The following PCYOX1 variants were observed in gnomAD, a reference collection of about 807,000 sequenced individuals.
The protein encoded by PCYOX1 is prenylcysteine oxidase 1.
A neutral mutation model predicts 46.4 loss-of-function variants in PCYOX1; 46 were observed. The observed-to-expected ratio is 0.99, with a 90% confidence interval of 0.78 to 1.27. The LOEUF (loss-of-function observed/expected upper bound fraction) is 1.27, where lower values mean the gene tolerates loss of function less well. PCYOX1 is among the 50% of genes most tolerant of loss of function. The pLI is 0.00. For synonymous variants in PCYOX1, 220 were observed against 231.8 expected (o/e 0.95, Z 0.46); for missense variants, 658 against 628.3 (o/e 1.05, Z -0.51).
Position 70,275,083 on chromosome 2 carries a change from G to T in PCYOX1, c.619G>T (p.Gly207Cys). ...RTLLETLQKA[G>C]FSEKFLNEMI... ...ACTTCTTGAAACCTTGCAAAAGGCC[G>T]GCTTTTCTGAGAAGTTCCTCAATGA... is the stretch of plus-strand genomic sequence containing the variant. The change falls in exon 4 of 6, where the codon GGC becomes TGC. Residue 207 changes from glycine (G) to cysteine (C), a missense_variant. Transcript: ENST00000433351. 6.2e-7 allele frequency: 1 copy of T among 1,614,130 alleles called. No individual in the cohort carries two copies. The highest frequency in any genetic ancestry group is 8.5e-7 in the Non-Finnish European group (1 of 1,179,950).
At chr2:70,265,281 C>CA (rs1696498002) in intron 3 of PCYOX1, among the ~76,000 whole-genome samples, 2 of 149,360 alleles carry the variant, frequency 1.3e-5, no homozygotes, top group Non-Finnish European at 3.0e-5. Context: ...CAGCTCACTG[C>CA]AGCTTTGACC....
intron 2 of PCYOX1, among the ~76,000 whole-genome samples, chr2:70,260,856 C>T (rs1438525187): frequency 6.6e-6 from 1 of 152,060 alleles, no homozygotes; most frequent in Non-Finnish European, 1.5e-5. Flanking sequence ...ATACCCAGAA[C>T]AAATTATGCC....
At chr2:70,262,718 A>G (rs1216224829) in intron 3 of PCYOX1, among the ~76,000 whole-genome samples, 1 of 151,734 alleles carries the variant, frequency 6.6e-6, no homozygotes, top group African/African-American at 2.4e-5. Flanking sequence ...TGACCTCGTG[A>G]TCCGCCTGCC....
chr2:70,279,364 T>C lies in PCYOX1; in HGVS notation c.*1972T>C, dbSNP rs985958729. Reference sequence around the variant, plus strand: ...TCATATTTGTTTCCTTTTGTGGTTTTAATGAAGACAATTTGTAAAGTAATA... The same window carrying C: ...TCATATTTGTTTCCTTTTGTGGTTTCAATGAAGACAATTTGTAAAGTAATA... On this transcript the variant is annotated 3_prime_UTR_variant, in exon 6 of 6. Transcript: ENST00000433351. 1.3e-5 allele frequency: 2 copies of C among 152,256 alleles called. No homozygotes were observed. The highest frequency in any genetic ancestry group is 4.8e-5 in the African/African-American group (2 of 41,468). The allele number at this position is 152,256 out of a possible 1,614,324, so 9.4% of individuals were successfully genotyped here. A position where few individuals can be genotyped will look rare whatever the true frequency, so the allele number is the denominator to read the frequency against.
Position 70,279,678 on chromosome 2 carries a change from G to GGGA in PCYOX1, c.*2289_*2291dup, listed in dbSNP as rs1213063592. 1 of 152,308 alleles carries GGGA rather than the reference G, an allele frequency of 6.6e-6. No individual in the cohort carries two copies. Among genetic ancestry groups the GGGA allele is most frequent in the Non-Finnish European group, 1.5e-5 (1 of 68,178 alleles). 9.4% of individuals were successfully genotyped at this position (152,308 alleles called of 1,614,324 possible). On this transcript the variant is annotated 3_prime_UTR_variant, in exon 6 of 6. Transcript: ENST00000433351. The stretch of plus-strand genomic sequence containing the variant: ...CCAGCTACTGTAATCTCAGCTACTT[G>GGGA]GGAGGCTGAGGCAGGAGAATTGCCT...
chr2:70,258,393 C>G (rs1394157267), intron 1 of PCYOX1, 117 bp downstream of exon 1: 1 of 622,800 alleles, frequency 1.6e-6, no homozygotes, highest in Non-Finnish European at 2.6e-6. Context: ...CAGGCCGAGC[C>G]AGCTGCGCAG....
At chr2:70,270,947 G>A (rs1051538415) in intron 3 of PCYOX1, among the ~76,000 whole-genome samples, 2 of 152,102 alleles carry the variant, frequency 1.3e-5, no homozygotes, top group Non-Finnish European at 2.9e-5. Context: ...GGCTGGTCTC[G>A]AACTCCTGAC....
At chr2:70,266,320 A>G (rs868274368) in intron 3 of PCYOX1, among the ~76,000 whole-genome samples, 5 of 152,220 alleles carry the variant, frequency 3.3e-5, no homozygotes, top group Admixed American at 6.5e-5. Flanking sequence ...CCACGAGCCA[A>G]GGAATGCAGG....
At chr2:70,274,787 CT>C (rs1380451334) in intron 3 of PCYOX1, 171 bp from the exon 4 acceptor site, 1 of 599,490 alleles carries the variant, frequency 1.7e-6, no homozygotes, top group Non-Finnish European at 3.0e-6. Flanking sequence ...TGGTCTTGAA[CT>C]CCTGACCTCA....
intron 1 of PCYOX1, 89 bp from the exon 2 acceptor site, chr2:70,259,271 C>T (rs1322951412): frequency 1.0e-5 from 12 of 1,175,972 alleles, no homozygotes; most frequent in Non-Finnish European, 1.4e-5. Flanking sequence ...TGAGTAACAA[C>T]CTCTGCTATT....
intron 1 of PCYOX1, among the ~76,000 whole-genome samples, chr2:70,258,823 G>C (rs539929539): frequency 1.3e-5 from 2 of 152,356 alleles, no homozygotes; most frequent in South Asian, 4.1e-4. Flanking sequence ...TCTCCGCCTA[G>C]GACTAACACA....
At chr2:70,269,546 A>T (rs1696573361) in intron 3 of PCYOX1, among the ~76,000 whole-genome samples, 1 of 152,108 alleles carries the variant, frequency 6.6e-6, no homozygotes, top group East Asian at 1.9e-4. Context: ...CATGATGGCC[A>T]GGCTGGTCTC....
At chr2:70,259,056 G>C (rs1322718688) in intron 1 of PCYOX1, among the ~76,000 whole-genome samples, 1 of 152,190 alleles carries the variant, frequency 6.6e-6, no homozygotes, top group Non-Finnish European at 1.5e-5. Flanking sequence ...CCCGTGAGTT[G>C]GGCATCTGGA....
chr2:70,258,061 C>A, upstream of PCYOX1: 1 of 895,150 alleles, frequency 1.1e-6, no homozygotes, highest in Non-Finnish European at 1.6e-6. Context: ...GCGGGGCTCG[C>A]AGGGGCTGGG....
At chr2:70,274,659 G>A (rs1424334073) in intron 3 of PCYOX1, 2 of 334,908 alleles carry the variant, frequency 6.0e-6, no homozygotes, top group Non-Finnish European at 1.1e-5. Flanking sequence ...GAATTCCGGG[G>A]CTCAAGCAGT....
Position 70,259,468 on chromosome 2 carries a change from G to A in PCYOX1, c.221G>A (p.Arg74His), listed in dbSNP as rs1696402465. Residue 74 changes from arginine to histidine, a missense_variant, in exon 2 of 6, where the codon CGC becomes CAC. Transcript: ENST00000433351. ...DLFEREEVGGRLATMMVQGQE... is the reference protein window; with the variant it reads ...DLFEREEVGGHLATMMVQGQE... ...TTTGAAAGAGAAGAGGTCGGGGGCC[G>A]CCTGGCTACCATGATGGTGCAGGGG... 4 of 1,613,950 alleles carry A rather than the reference G, an allele frequency of 2.5e-6. No individual in the cohort carries two copies. The highest frequency in any genetic ancestry group is 1.1e-5 in the South Asian group (1 of 91,078).
At chr2:70,258,303 A>C (rs746077772) in intron 1 of PCYOX1, 27 bp downstream of exon 1, 2 of 1,449,302 alleles carry the variant, frequency 1.4e-6, no homozygotes, top group Non-Finnish European at 9.2e-7. Flanking sequence ...CGGCGCGGGA[A>C]GGTGCTGGAG....
rs751259078 is a variant in PCYOX1 at position 70,275,125 on chromosome 2, A to T, written c.661A>T (p.Met221Leu). The change falls in exon 4 of 6, where the codon ATG becomes TTG. Residue 221 changes from methionine to leucine, a missense_variant. Transcript: ENST00000433351. ...CCTCAATGAAATGATTGCTCCTGTT[A>T]TGAGGGTCAATTATGGCCAAAGCAC... ...KFLNEMIAPV[M>L]RVNYGQSTDI... 1 of 1,614,156 alleles carries T rather than the reference A, an allele frequency of 6.2e-7. No individual in the cohort carries two copies. Among genetic ancestry groups the T allele is most frequent in the South Asian group, 1.1e-5 (1 of 91,090 alleles).
chr2:70,277,478 C>G lies in PCYOX1; in HGVS notation c.*86C>G. The G allele has an allele frequency of 8.9e-7, 1 of 1,122,222 alleles. No homozygotes were observed. The highest frequency in any genetic ancestry group is 1.3e-6 in the Non-Finnish European group (1 of 775,112). 69.5% of individuals were successfully genotyped at this position (1,122,222 alleles called of 1,614,324 possible). A position where few individuals can be genotyped will look rare whatever the true frequency, so the allele number is the denominator to read the frequency against. On this transcript the variant is annotated 3_prime_UTR_variant, in exon 6 of 6. Transcript: ENST00000433351. Reference sequence around the variant, plus strand: ...AAATCTGAGCAGAGATGATTTTGAACCAGATATTTTGCCATTATCATTGTT... The same window carrying G: ...AAATCTGAGCAGAGATGATTTTGAAGCAGATATTTTGCCATTATCATTGTT...
Sources: allele counts gnomAD v4.1 joint callset (sites outside exome capture counted in the v4.1 genomes callset), GRCh38; gene constraint gnomAD v4.1.1; transcripts MANE v1.5; gene names NCBI Gene and HGNC (gene_info 2026-07-23, HGNC 2026-07-21).